The following HUNK variants were observed in gnomAD, a reference collection of about 807,000 sequenced individuals.
HUNK encodes the protein hormonally up-regulated neu tumor-associated kinase.
Under a neutral mutation model 61.0 loss-of-function variants are expected in HUNK, and 21 were observed. That is an observed-to-expected ratio of 0.34 (90% CI 0.24 to 0.50). The LOEUF is 0.50. Among genes scored for constraint, HUNK ranks in the 20% least tolerant of loss-of-function variants. The pLI, the probability that HUNK is intolerant of heterozygous loss-of-function variation, is 0.98. For missense variants in HUNK, 772 were observed against 945.7 expected (o/e 0.82, Z 2.41); for synonymous variants, 371 against 386.1 (o/e 0.96, Z 0.46).
intron 1 of HUNK, among the ~76,000 whole-genome samples, chr21:31,886,571 C>T (rs145457513): frequency 1.7e-3 from 252 of 152,282 alleles, no homozygotes; most frequent in African/African-American, 5.7e-3. Flanking sequence ...GTGTTTGTCT[C>T]CCCACTAGAG....
intron 4 of HUNK, among the ~76,000 whole-genome samples, chr21:31,949,449 A>G (rs185104099): frequency 1.3e-5 from 2 of 152,228 alleles, no homozygotes; most frequent in Admixed American, 6.5e-5. Flanking sequence ...GGTGTCTGGC[A>G]CACTGTCTTC....
At chr21:31,885,171 G>C (rs2041724498) in intron 1 of HUNK, among the ~76,000 whole-genome samples, 1 of 152,148 alleles carries the variant, frequency 6.6e-6, no homozygotes, top group African/African-American at 2.4e-5. Context: ...TGAGAAGAAA[G>C]AGAAAGGGGG....
chr21:31,896,421 T>C (rs1204853156), intron 1 of HUNK, among the ~76,000 whole-genome samples: 1 of 152,202 alleles, frequency 6.6e-6, no homozygotes, highest in African/African-American at 2.4e-5. Context: ...CTTGCCTCAC[T>C]AAACTCTGTT....
intron 1 of HUNK, among the ~76,000 whole-genome samples, chr21:31,923,045 G>A (rs1233941896): frequency 6.6e-6 from 1 of 152,166 alleles, no homozygotes; most frequent in African/African-American, 2.4e-5. Context: ...GGTGGTGTAG[G>A]GGAACAGAGA....
At chr21:31,984,984 A>G (rs2053123240) in intron 8 of HUNK, among the ~76,000 whole-genome samples, 1 of 152,224 alleles carries the variant, frequency 6.6e-6, no homozygotes, top group African/African-American at 2.4e-5. Context: ...GTCACGTCTT[A>G]CATGGTGGCA....
intron 8 of HUNK, among the ~76,000 whole-genome samples, 181 bp downstream of exon 8, chr21:31,983,790 A>G (rs556692704): frequency 4.7e-4 from 72 of 152,328 alleles, no homozygotes; most frequent in Middle Eastern, 3.4e-3. Flanking sequence ...TGTCTAAACC[A>G]TGGTTCTCAG....
At chr21:31,899,458 T>C (rs1221599639) in intron 1 of HUNK, among the ~76,000 whole-genome samples, 1 of 152,218 alleles carries the variant, frequency 6.6e-6, no homozygotes, top group East Asian at 1.9e-4. Context: ...GTGTTTCCTC[T>C]TGTTGTAAAG....
At chr21:31,917,191 T>G (rs2052588974) in intron 1 of HUNK, among the ~76,000 whole-genome samples, 1 of 152,048 alleles carries the variant, frequency 6.6e-6, no homozygotes, top group Non-Finnish European at 1.5e-5. Context: ...TGAGAAATGC[T>G]TTCTGTTTTT....
intron 8 of HUNK, 106 bp from the exon 9 acceptor site, chr21:31,990,023 G>T: frequency 1.9e-6 from 2 of 1,049,840 alleles, no homozygotes; most frequent in Non-Finnish European, 3.0e-6. Flanking sequence ...TATGAAAACC[G>T]AAACGAATAA....
chr21:31,896,621 C>CT (rs2052426918), intron 1 of HUNK, among the ~76,000 whole-genome samples: 1 of 152,174 alleles, frequency 6.6e-6, no homozygotes, highest in Non-Finnish European at 1.5e-5. Context: ...CTAGTGGTTT[C>CT]TTGGTTTCCC....
intron 3 of HUNK, among the ~76,000 whole-genome samples, chr21:31,941,432 G>A (rs570275114): frequency 6.6e-5 from 10 of 151,708 alleles, no homozygotes; most frequent in Non-Finnish European, 1.2e-4. Context: ...TCAGCCTCCC[G>A]AGTAGCTGGG....
chr21:31,923,581 G>A (rs574013351), intron 1 of HUNK, among the ~76,000 whole-genome samples: 1 of 145,506 alleles, frequency 6.9e-6, no homozygotes, highest in South Asian at 2.2e-4. Flanking sequence ...AAGCGAGGGA[G>A]GGAGGGAGGG....
chr21:31,916,486 C>T (rs1355274988), intron 1 of HUNK, among the ~76,000 whole-genome samples: 3 of 151,844 alleles, frequency 2.0e-5, no homozygotes, highest in African/African-American at 7.3e-5. Flanking sequence ...GGATTTTTTT[C>T]TCCTAATACC....
chr21:31,892,667 G>T (rs950439594), intron 1 of HUNK, among the ~76,000 whole-genome samples: 2 of 151,462 alleles, frequency 1.3e-5, no homozygotes, highest in African/African-American at 4.9e-5. Context: ...CGCCTTAAAA[G>T]TATGTATTAT....
rs939503398 is a variant in HUNK, at chr21:32,002,992, C to A, written c.*3808C>A. On this transcript the variant is annotated 3_prime_UTR_variant, in exon 11 of 11. Transcript: ENST00000270112. ...CTAAGATTCTCTGGCTCAGCCCCAG[C>A]CTTTCTGAAGAAGGGAAAACTAGGG... 2.6e-5 allele frequency: 4 copies of A among 152,220 alleles called. No individual in the cohort carries two copies. In the East Asian group the frequency reaches 7.7e-4, roughly 29 times the overall value. The allele number at this position is 152,220 out of a possible 1,614,324, so 9.4% of individuals were successfully genotyped here. A position where few individuals can be genotyped will look rare whatever the true frequency, so the allele number is the denominator to read the frequency against.
intron 2 of HUNK, among the ~76,000 whole-genome samples, chr21:31,929,652 C>A (rs2052683906): frequency 6.6e-6 from 1 of 152,208 alleles, no homozygotes; most frequent in African/African-American, 2.4e-5. Context: ...TACAATACCA[C>A]CATCCCTAAG....
intron 1 of HUNK, among the ~76,000 whole-genome samples, chr21:31,904,481 A>G (rs1319865964): frequency 6.6e-6 from 1 of 152,230 alleles, no homozygotes; most frequent in Non-Finnish European, 1.5e-5. Flanking sequence ...TATTTGCAGA[A>G]AAGTTAATAG....
At chr21:31,995,624 C>T (rs1367861065) in intron 9 of HUNK, 144 bp from the exon 10 acceptor site, 3 of 713,534 alleles carry the variant, frequency 4.2e-6, no homozygotes, top group Non-Finnish European at 7.1e-6. Context: ...GGCCACAGCT[C>T]CTCCCTCATT....
At chr21:31,887,983 C>T (rs564819829) in intron 1 of HUNK, among the ~76,000 whole-genome samples, 1 of 151,988 alleles carries the variant, frequency 6.6e-6, no homozygotes, top group Non-Finnish European at 1.5e-5. Flanking sequence ...TTGTGGATCT[C>T]GTACCATCTG....
Sources: allele counts gnomAD v4.1 joint callset (sites outside exome capture counted in the v4.1 genomes callset), GRCh38; gene constraint gnomAD v4.1.1; transcripts MANE v1.5; gene names NCBI Gene and HGNC (gene_info 2026-07-23, HGNC 2026-07-21).